GPR176: variants seen among roughly 807,000 people sequenced by gnomAD.
GPR176 encodes the protein G-protein coupled receptor 176.
A neutral mutation model predicts 35.4 loss-of-function variants in GPR176; 26 were observed. The ratio of observed to expected loss-of-function variants is 0.74; its 90% confidence interval spans 0.54 to 1.02. The LOEUF is 1.02. Ranked by LOEUF, GPR176 falls within the 50% of genes least tolerant of loss-of-function variation. GPR176 has a pLI of 0.00. For synonymous variants in GPR176, 278 were observed against 271.3 expected (o/e 1.02, Z -0.24); for missense variants, 597 against 665.3 (o/e 0.90, Z 1.13).
intron 1 of GPR176, among the ~76,000 whole-genome samples, chr15:39,876,275 A>T (rs1018509889): frequency 6.6e-6 from 1 of 152,218 alleles, no homozygotes; most frequent in African/African-American, 2.4e-5. Flanking sequence ...TCCTACTAAC[A>T]TATATTCAAA....
intron 1 of GPR176, among the ~76,000 whole-genome samples, chr15:39,825,714 A>T (rs1004470854): frequency 6.6e-6 from 1 of 152,126 alleles, no homozygotes; most frequent in African/African-American, 2.4e-5. Flanking sequence ...CATTTCCGCC[A>T]GCAATATTTG....
chr15:39,839,896 C>T (rs1047744283), intron 1 of GPR176, among the ~76,000 whole-genome samples: 7 of 152,082 alleles, frequency 4.6e-5, no homozygotes, highest in African/African-American at 1.7e-4. Context: ...CATCACTGGT[C>T]GTCATTAGAG....
intron 1 of GPR176, among the ~76,000 whole-genome samples, chr15:39,843,029 C>T (rs2030140291): frequency 6.6e-6 from 1 of 151,648 alleles, no homozygotes; most frequent in Non-Finnish European, 1.5e-5. Flanking sequence ...AAAAGCAGCA[C>T]TGGATTCACA....
At chr15:39,838,713 C>T (rs367764666) in intron 1 of GPR176, among the ~76,000 whole-genome samples, 22 of 152,118 alleles carry the variant, frequency 1.4e-4, no homozygotes, top group African/African-American at 5.1e-4. Flanking sequence ...ATGACAAACC[C>T]ACAGCCAGTA....
At chr15:39,907,568 T>C (rs2033458892) in intron 1 of GPR176, among the ~76,000 whole-genome samples, 1 of 152,214 alleles carries the variant, frequency 6.6e-6, no homozygotes, top group Non-Finnish European at 1.5e-5. Flanking sequence ...TAATTGACTG[T>C]AGCAAGAGCT....
chr15:39,824,576 T>C (rs926971089), intron 1 of GPR176, among the ~76,000 whole-genome samples: 29 of 152,208 alleles, frequency 1.9e-4, no homozygotes, highest in African/African-American at 6.5e-4. Context: ...AAACTGTAAG[T>C]TTTATGAAGG....
intron 1 of GPR176, among the ~76,000 whole-genome samples, chr15:39,878,553 T>C (rs1037004616): frequency 3.9e-5 from 6 of 152,294 alleles, no homozygotes; most frequent in African/African-American, 1.4e-4. Context: ...ACTCTATATC[T>C]TGACTACTGT....
intron 2 of GPR176, among the ~76,000 whole-genome samples, chr15:39,806,368 A>G (rs531746467): frequency 1.9e-4 from 29 of 152,380 alleles, no homozygotes; most frequent in African/African-American, 7.0e-4. Flanking sequence ...GGAGAAAGGC[A>G]GGAATTTGCT....
rs899381121 is a variant in GPR176, at chr15:39,894,712, C to A, written c.172+25143G>T. 7.5e-3 allele frequency among the ~76,000 whole-genome samples: 1,142 copies of A among 151,366 alleles called. 5 individuals are homozygous for A. Among genetic ancestry groups the A allele is most frequent in the South Asian group, 0.017 (80 of 4,786 alleles). On this transcript the variant is annotated intron_variant, in intron 1 of 2. Transcript: ENST00000561100. Reference sequence around the variant, plus strand: ...CTTCCTAGGTGGGATGGCGGCCGGGCGGAGACGCTCCTCACTTTCCAGACT... The same window carrying A: ...CTTCCTAGGTGGGATGGCGGCCGGGAGGAGACGCTCCTCACTTTCCAGACT...
At chr15:39,836,916 CAATG>C (rs1901433537) in intron 1 of GPR176, among the ~76,000 whole-genome samples, 1 of 152,162 alleles carries the variant, frequency 6.6e-6, no homozygotes, top group South Asian at 2.1e-4. Flanking sequence ...TCAACTACAT[CAATG>C]TGTTCTAGAT....
chr15:39,847,820 C>T (rs192789814), intron 1 of GPR176, among the ~76,000 whole-genome samples: 30 of 150,468 alleles, frequency 2.0e-4, no homozygotes, highest in Non-Finnish European at 3.8e-4. Flanking sequence ...CATTCTCACA[C>T]TGCTATAAAG....
At chr15:39,871,600 G>A (rs190626030) in intron 1 of GPR176, among the ~76,000 whole-genome samples, 139 of 152,204 alleles carry the variant, frequency 9.1e-4, no homozygotes, top group African/African-American at 3.1e-3. Context: ...TGCCTTCTTC[G>A]ATTGTCACCT....
intron 1 of GPR176, among the ~76,000 whole-genome samples, chr15:39,839,400 G>A (rs1901606107): frequency 6.6e-6 from 1 of 152,136 alleles, no homozygotes; most frequent in South Asian, 2.1e-4. Flanking sequence ...TTTAATAAAT[G>A]GTGCTGTGAA....
chr15:39,901,886 C>T (rs532863493), intron 1 of GPR176, among the ~76,000 whole-genome samples: 2 of 148,132 alleles, frequency 1.4e-5, no homozygotes, highest in African/African-American at 5.0e-5. Flanking sequence ...CCAGCCTGGC[C>T]AATATGTTGA....
intron 1 of GPR176, among the ~76,000 whole-genome samples, chr15:39,891,616 C>A (rs527391238): frequency 6.6e-6 from 1 of 152,332 alleles, no homozygotes; most frequent in East Asian, 1.9e-4. Context: ...AGATTACAAG[C>A]ATGTGCCACC....
chr15:39,912,983 T>G (rs540487198), intron 1 of GPR176, among the ~76,000 whole-genome samples: 6 of 152,190 alleles, frequency 3.9e-5, no homozygotes, highest in African/African-American at 1.4e-4. Flanking sequence ...TGAAAACACA[T>G]GTCCACATAA....
At chr15:39,811,779 A>G (rs1038311431) in intron 1 of GPR176, among the ~76,000 whole-genome samples, 6 of 152,226 alleles carry the variant, frequency 3.9e-5, no homozygotes, top group East Asian at 1.9e-4. Context: ...AGCCGGGCGT[A>G]GTAGTGGGTG....
chr15:39,859,568 G>A (rs904508927), intron 1 of GPR176, among the ~76,000 whole-genome samples: 1 of 151,948 alleles, frequency 6.6e-6, no homozygotes, highest in Non-Finnish European at 1.5e-5. Flanking sequence ...ACTGTTGGTG[G>A]GAATGTAAAA....
At chr15:39,880,050 C>T (rs559171748) in intron 1 of GPR176, among the ~76,000 whole-genome samples, 1 of 152,326 alleles carries the variant, frequency 6.6e-6, no homozygotes, top group East Asian at 1.9e-4. Context: ...TTTACTCATG[C>T]ACACAGTGAA....
Sources: allele counts gnomAD v4.1 joint callset (sites outside exome capture counted in the v4.1 genomes callset), GRCh38; gene constraint gnomAD v4.1.1; transcripts MANE v1.5; gene names NCBI Gene and HGNC (gene_info 2026-07-23, HGNC 2026-07-21).